CES5A: variants seen among roughly 807,000 people sequenced by gnomAD.
CES5A encodes carboxylesterase 5.
Under a neutral mutation model 62.9 loss-of-function variants are expected in CES5A, and 67 were observed. The observed-to-expected ratio is 1.07, with a 90% CI of 0.88 to 1.31. The LOEUF (loss-of-function observed/expected upper bound fraction) is 1.31. CES5A is among the 50% of genes most tolerant of loss of function. The pLI is 0.00. For synonymous variants in CES5A, 296 were observed against 280.8 expected (o/e 1.05, Z -0.54); for missense variants, 748 against 708.5 (o/e 1.06, Z -0.63).
intron 9 of CES5A, 72 bp from the exon 10 acceptor site, chr16:55,853,100 C>CA: frequency 6.7e-7 from 1 of 1,497,572 alleles, no homozygotes; most frequent in South Asian, 1.2e-5. Flanking sequence ...CTCACCTGTG[C>CA]AGGTATGATT....
upstream of CES5A, among the ~76,000 whole-genome samples, chr16:55,877,862 G>A (rs951357223): frequency 2.6e-5 from 4 of 152,182 alleles, no homozygotes; most frequent in Non-Finnish European, 5.9e-5. Flanking sequence ...TAAAGCCCAG[G>A]TTTCCTGCCC....
chr16:55,952,750 A>G (rs1016360980), intron 1 of CES5A, among the ~76,000 whole-genome samples: 1 of 152,278 alleles, frequency 6.6e-6, no homozygotes, highest in Admixed American at 6.5e-5. Flanking sequence ...ACCAATAATC[A>G]TATAAAAATT....
intron 3 of CES5A, among the ~76,000 whole-genome samples, chr16:55,870,689 C>G (rs1291790145): frequency 2.6e-5 from 4 of 151,986 alleles, no homozygotes; most frequent in Non-Finnish European, 5.9e-5. Flanking sequence ...CAGAGCAAGA[C>G]TCTGTCCCAA....
In CES5A at chr16:55,846,327, T is replaced by G; in HGVS notation, c.*124A>C. 1.4e-6 allele frequency: 1 copy of G among 708,536 alleles called. No individual in the cohort carries two copies. The highest frequency in any genetic ancestry group is 2.4e-6 in the Non-Finnish European group (1 of 418,880). 43.9% of individuals were successfully genotyped at this position (708,536 alleles called of 1,614,324 possible). On this transcript the variant is annotated 3_prime_UTR_variant, in exon 13 of 13. Transcript: ENST00000290567. ...GGATCATTCCTAAGTCCATAAAATA[T>G]CAGCGAAAGCAGCTTGTTTTGCAAG...
chr16:55,931,122 T>C (rs1315666837), intron 2 of CES5A, among the ~76,000 whole-genome samples: 1 of 152,240 alleles, frequency 6.6e-6, no homozygotes, highest in Non-Finnish European at 1.5e-5. Context: ...ATCAGGGTTC[T>C]TGACTCCTAG....
At position 55,898,066 on chromosome 16, in the gene CES5A, G is replaced by A. The variant is rs534265925; in HGVS notation, c.-255-24029C>T. 1.8e-3 allele frequency among the ~76,000 whole-genome samples: 269 copies of A among 152,296 alleles called. 2 individuals carry two copies. Among genetic ancestry groups the A allele is most frequent in the African/African-American group, 6.1e-3 (254 of 41,566 alleles). On this transcript the variant is annotated intron_variant, in intron 1 of 12. Coordinates refer to the CES5A transcript ENST00000518005. ...AAGTCAGAATAGTGCTTGCCCTGGT[G>A]GTATGGACAATGACCATGAGGATCA...
At chr16:55,935,276 A>G (rs1352801386) in intron 2 of CES5A, among the ~76,000 whole-genome samples, 9 of 152,192 alleles carry the variant, frequency 5.9e-5, no homozygotes, top group Admixed American at 6.5e-5. Context: ...CAAAAGGTGG[A>G]ATAAAAAAAG....
At chr16:55,906,438 G>A (rs1039098486) in intron 1 of CES5A, among the ~76,000 whole-genome samples, 16 of 152,326 alleles carry the variant, frequency 1.1e-4, no homozygotes, top group South Asian at 2.1e-4. Flanking sequence ...AGGGCAGAAA[G>A]ATGTCTCCAT....
intron 2 of CES5A, among the ~76,000 whole-genome samples, chr16:55,937,310 G>A (rs1051793748): frequency 5.3e-5 from 8 of 151,988 alleles, no homozygotes; most frequent in Non-Finnish European, 8.8e-5. Context: ...TGCCTCCCTC[G>A]CTGGGCCATG....
intron 2 of CES5A, among the ~76,000 whole-genome samples, chr16:55,940,690 AC>A (rs1174479864): frequency 2.0e-5 from 3 of 151,992 alleles, no homozygotes; most frequent in Non-Finnish European, 4.4e-5. Context: ...AAGCCTGTAT[AC>A]CAAAAACATA....
intron 1 of CES5A, among the ~76,000 whole-genome samples, chr16:55,892,112 G>T (rs1385379209): frequency 6.6e-6 from 1 of 152,118 alleles, no homozygotes; most frequent in African/African-American, 2.4e-5. Flanking sequence ...GCCACTATGA[G>T]ACTTCAAAAG....
At chr16:55,904,785 G>A (rs1010807361) in intron 1 of CES5A, among the ~76,000 whole-genome samples, 2 of 152,266 alleles carry the variant, frequency 1.3e-5, no homozygotes, top group South Asian at 2.1e-4. Context: ...AATGGCACCA[G>A]ACACTCATCT....
intron 1 of CES5A, among the ~76,000 whole-genome samples, chr16:55,915,099 A>G (rs985558623): frequency 1.3e-5 from 2 of 151,580 alleles, no homozygotes; most frequent in African/African-American, 4.9e-5. Context: ...GTGTGTTGAT[A>G]TTACTCCAGG....
intron 2 of CES5A, among the ~76,000 whole-genome samples, chr16:55,936,442 G>A (rs1472115128): frequency 6.6e-6 from 1 of 152,164 alleles, no homozygotes; most frequent in Non-Finnish European, 1.5e-5. Flanking sequence ...TGGCCATGAT[G>A]CTCTTTATAT....
intron 1 of CES5A, among the ~76,000 whole-genome samples, chr16:55,901,283 T>C (rs1052815281): frequency 2.7e-5 from 4 of 149,836 alleles, no homozygotes; most frequent in Admixed American, 6.7e-5. Flanking sequence ...TCCCCAGCCA[T>C]GCAGAACTGT....
At chr16:55,921,495 C>T (rs1298622763) in intron 1 of CES5A, among the ~76,000 whole-genome samples, 1 of 151,890 alleles carries the variant, frequency 6.6e-6, no homozygotes, top group African/African-American at 2.4e-5. Flanking sequence ...AACTGTCACT[C>T]AAAATTACTA....
At chr16:55,901,833 C>G (rs1023609376) in intron 1 of CES5A, among the ~76,000 whole-genome samples, 4 of 152,186 alleles carry the variant, frequency 2.6e-5, no homozygotes, top group Non-Finnish European at 1.5e-5. Flanking sequence ...CTCTTTTCCT[C>G]TTATATATCA....
chr16:55,846,256 C>T lies in CES5A; in HGVS notation c.*195G>A. 1 of 593,682 alleles carries T rather than the reference C, an allele frequency of 1.7e-6. No homozygotes were observed. Among genetic ancestry groups the T allele is most frequent in the Non-Finnish European group, 3.0e-6 (1 of 335,440 alleles). The allele number at this position is 593,682 out of a possible 1,614,324, so 36.8% of individuals were successfully genotyped here. A position where few individuals can be genotyped will look rare whatever the true frequency, so the allele number is the denominator to read the frequency against. Reference sequence around the variant, plus strand: ...AAATTTATTGAAGAAATCTTGTTGCCTTCCAAGACAAATTGCACTTTTTGA... The same window carrying T: ...AAATTTATTGAAGAAATCTTGTTGCTTTCCAAGACAAATTGCACTTTTTGA... On this transcript the variant is annotated 3_prime_UTR_variant, in exon 13 of 13. Coordinates refer to ENST00000290567, the MANE Select transcript of CES5A (RefSeq NM_001143685.2).
At chr16:55,942,801 C>A (rs2034458750) in intron 2 of CES5A, among the ~76,000 whole-genome samples, 1 of 152,078 alleles carries the variant, frequency 6.6e-6, no homozygotes, top group Non-Finnish European at 1.5e-5. Flanking sequence ...AATAGATAAA[C>A]AAATAGTGGT....
Sources: gnomAD v4.1 joint callset for allele counts (sites outside exome capture counted in the v4.1 genomes callset) on GRCh38, gnomAD v4.1.1 for gene constraint, MANE v1.5 for transcripts, NCBI Gene and HGNC (gene_info 2026-07-23, HGNC 2026-07-21) for gene names.